The following MAST4 variants were observed in gnomAD, a reference collection of about 807,000 sequenced individuals.
MAST4 encodes microtubule associated serine/threonine kinase family member 4.
MAST4 carries 89 observed loss-of-function variants against 162.7 expected under a neutral mutation model. That is an observed-to-expected ratio of 0.55 (90% CI 0.46 to 0.65). The LOEUF is 0.65. Among genes scored for constraint, MAST4 ranks in the 30% least tolerant of loss-of-function variants. The pLI is 0.00. For synonymous variants in MAST4, 1,479 were observed against 1,361.1 expected (o/e 1.09, Z -1.91); for missense variants, 3,153 against 3,374.0 (o/e 0.93, Z 1.62).
intron 1 of MAST4, among the ~76,000 whole-genome samples, chr5:66,722,193 C>A (rs879766100): frequency 6.6e-6 from 1 of 152,078 alleles, no homozygotes; most frequent in Non-Finnish European, 1.5e-5. Context: ...TTTGACTTGG[C>A]CCGTTACTCC....
chr5:66,686,014 G>T (rs955475207), intron 1 of MAST4, among the ~76,000 whole-genome samples: 19 of 152,124 alleles, frequency 1.2e-4, no homozygotes, highest in Non-Finnish European at 2.6e-4. Flanking sequence ...GTGGAGTTCA[G>T]ACGGTAATGC....
intron 1 of MAST4, among the ~76,000 whole-genome samples, chr5:66,718,265 G>T (rs10038785): frequency 0.013 from 1,791 of 142,768 alleles, 42 homozygotes; most frequent in African/African-American, 0.044. Flanking sequence ...TTGTTTTTTT[G>T]TTTTTTTGTT....
At chr5:67,034,514 G>T (rs1755767373) in intron 4 of MAST4, among the ~76,000 whole-genome samples, 1 of 152,166 alleles carries the variant, frequency 6.6e-6, no homozygotes, top group Non-Finnish European at 1.5e-5. Context: ...AATAGCGAGA[G>T]TCAGGCGGCC....
chr5:67,137,967 T>C (rs1339938481), intron 19 of MAST4, among the ~76,000 whole-genome samples: 1 of 152,242 alleles, frequency 6.6e-6, no homozygotes, highest in African/African-American at 2.4e-5. Context: ...CAACTTCTTT[T>C]AGTTGAGCCT....
intron 4 of MAST4, among the ~76,000 whole-genome samples, chr5:66,989,258 A>C (rs1581121498): frequency 6.6e-6 from 1 of 152,078 alleles, no homozygotes; most frequent in Non-Finnish European, 1.5e-5. Flanking sequence ...TTCAAACCGC[A>C]CCTGCCCCTC....
At chr5:67,011,997 A>G (rs1044795915) in intron 4 of MAST4, among the ~76,000 whole-genome samples, 4 of 152,142 alleles carry the variant, frequency 2.6e-5, no homozygotes, top group South Asian at 2.1e-4. Flanking sequence ...ATTCACTGCT[A>G]TTGTGTGTGT....
At chr5:66,738,840 T>G (rs1268325371) in intron 1 of MAST4, among the ~76,000 whole-genome samples, 1 of 152,234 alleles carries the variant, frequency 6.6e-6, no homozygotes, top group Non-Finnish European at 1.5e-5. Flanking sequence ...TTCTTTGAAC[T>G]TTTATTTCTA....
chr5:67,136,553 T>C lies in MAST4; in HGVS notation c.2393-10T>C, dbSNP rs769506334. Reference sequence around the variant, plus strand: ...ACAATATGGTTATAAACAACTTTTCTTCCTTCTAGATGAGATCAACTGGCC... The same window carrying C: ...ACAATATGGTTATAAACAACTTTTCCTCCTTCTAGATGAGATCAACTGGCC... On this transcript the variant is annotated splice_polypyrimidine_tract_variant and intron_variant, in intron 18 of 28. Transcript: ENST00000403625. The C allele has an allele frequency of 5.7e-6, 9 of 1,585,942 alleles. No homozygotes were observed. The highest frequency in any genetic ancestry group is 6.0e-6 in the Non-Finnish European group (7 of 1,163,918).
intron 1 of MAST4, among the ~76,000 whole-genome samples, chr5:66,699,386 T>G (rs776663377): frequency 1.3e-5 from 2 of 152,202 alleles, no homozygotes; most frequent in Non-Finnish European, 2.9e-5. Flanking sequence ...TCCAGAGAAC[T>G]GCAGGCCCTA....
At chr5:67,106,600 A>G (rs558184226) in intron 10 of MAST4, among the ~76,000 whole-genome samples, 2 of 152,210 alleles carry the variant, frequency 1.3e-5, no homozygotes, top group Admixed American at 6.5e-5. Context: ...ATCCTCACCT[A>G]TCTGCCTCCC....
At chr5:66,801,276 G>A (rs1246671934) in intron 3 of MAST4, among the ~76,000 whole-genome samples, 2 of 152,090 alleles carry the variant, frequency 1.3e-5, no homozygotes, top group African/African-American at 2.4e-5. Flanking sequence ...AGGCAAATTC[G>A]GTTGCCACCA....
At chr5:66,693,792 A>C (rs1256897243) in intron 1 of MAST4, among the ~76,000 whole-genome samples, 1 of 11,548 alleles carries the variant, frequency 8.7e-5, no homozygotes, top group African/African-American at 3.9e-3. Flanking sequence ...TTAGAGAGCA[A>C]AAAAAACTGT....
At chr5:66,944,725 C>T (rs1384089129) in intron 4 of MAST4, among the ~76,000 whole-genome samples, 1 of 152,068 alleles carries the variant, frequency 6.6e-6, no homozygotes, top group Non-Finnish European at 1.5e-5. Flanking sequence ...TGTATTATCT[C>T]ACAGTTCTGT....
At chr5:67,087,854 A>G (rs1763419113) in intron 5 of MAST4, among the ~76,000 whole-genome samples, 1 of 152,242 alleles carries the variant, frequency 6.6e-6, no homozygotes, top group South Asian at 2.1e-4. Flanking sequence ...TTGAAGTTGA[A>G]GATGTGGGAA....
At chr5:66,902,270 A>C (rs1258416218) in intron 4 of MAST4, among the ~76,000 whole-genome samples, 1 of 152,186 alleles carries the variant, frequency 6.6e-6, no homozygotes, top group Non-Finnish European at 1.5e-5. Flanking sequence ...GTGTACCTTG[A>C]TAAAGGCTGA....
intron 2 of MAST4, among the ~76,000 whole-genome samples, chr5:66,767,381 G>A (rs1175713148): frequency 6.6e-6 from 1 of 152,038 alleles, no homozygotes; most frequent in Non-Finnish European, 1.5e-5. Context: ...TGAAATGCCC[G>A]ATAAGACATG....
At chr5:67,048,142 A>G (rs1049620926) in intron 4 of MAST4, among the ~76,000 whole-genome samples, 4 of 152,226 alleles carry the variant, frequency 2.6e-5, no homozygotes, top group African/African-American at 9.6e-5. Flanking sequence ...CTCTTATCAA[A>G]GACATTTTTC....
At chr5:66,788,607 C>CCAAGCCAAAAA in intron 2 of MAST4, 63 bp from the exon 3 acceptor site, 5 of 1,373,724 alleles carry the variant, frequency 3.6e-6, no homozygotes, top group Non-Finnish European at 5.1e-6. Flanking sequence ...CCCCCACCCC[C>CCAAGCCAAAAA]ATTGCAATAA....
chr5:66,946,080 G>A (rs772054047), intron 4 of MAST4, among the ~76,000 whole-genome samples: 1 of 152,068 alleles, frequency 6.6e-6, no homozygotes, highest in African/African-American at 2.4e-5. Flanking sequence ...AAAAGAGGGA[G>A]AAACATGAAC....
Sources: gnomAD v4.1 joint callset for allele counts (sites outside exome capture counted in the v4.1 genomes callset) on GRCh38, gnomAD v4.1.1 for gene constraint, MANE v1.5 for transcripts, NCBI Gene and HGNC (gene_info 2026-07-23, HGNC 2026-07-21) for gene names.